Variants in MED13 observed in about 807,000 individuals in gnomAD.
MED13 encodes mediator of RNA polymerase II transcription subunit 13.
In MED13, 23 loss-of-function variants were observed where a neutral mutation model predicts 225.2. The ratio of observed to expected loss-of-function variants is 0.10; its 90% CI spans 0.07 to 0.14. The LOEUF (loss-of-function observed/expected upper bound fraction) is 0.14, where lower values mean the gene tolerates loss of function less well. Ranked by LOEUF, MED13 falls within the 10% of genes least tolerant of loss-of-function variation. MED13 has a pLI of 1.00. For synonymous variants in MED13, 942 were observed against 889.2 expected, an observed-to-expected ratio of 1.06 and a Z score of -1.06; for missense variants, 2,197 against 2,594.5, an observed-to-expected ratio of 0.85 and a Z score of 3.33.
In MED13 at chr17:62,010,720, A is replaced by G. The variant is rs758131013; in HGVS notation, c.1797T>C (p.Tyr599=). The G allele has an allele frequency of 1.2e-5, 19 of 1,609,854 alleles. No homozygotes were observed. The highest frequency in any genetic ancestry group is 2.7e-5 in the African/African-American group (2 of 74,754). The change falls in exon 9 of 30, where the codon TAT becomes TAC. Residue 599 remains tyrosine (Y), a synonymous_variant. Transcript: ENST00000397786. ...QYQEAVEPTV[Y]VGTAVNLEED... is the part of the protein sequence containing the mutation. ...CTTCCAAGTTTACTGCTGTACCAAC[A>G]TATACTGTAGGTTCTACAGCTTCCT... is the stretch of plus-strand genomic sequence containing the variant.
At chr17:62,003,844 T>C (rs1341559256) in intron 9 of MED13, 1 of 152,190 alleles carries the variant, frequency 6.6e-6, no homozygotes, top group African/African-American at 2.4e-5. Flanking sequence ...GCTACTTTTC[T>C]ACACTATGCT....
At chr17:61,953,260 G>A (rs2079912234) in intron 26 of MED13, 147 bp from the exon 27 acceptor site, 1 of 797,484 alleles carries the variant, frequency 1.3e-6, no homozygotes, top group Non-Finnish European at 1.9e-6. Context: ...GCCAAGTATT[G>A]TGCTAAAAGC....
chr17:62,012,387 T>C (rs2080519594), intron 8 of MED13, among the ~76,000 whole-genome samples: 1 of 145,360 alleles, frequency 6.9e-6, no homozygotes. Flanking sequence ...TGGAGTGCAA[T>C]GGCATGATCT....
intron 11 of MED13, among the ~76,000 whole-genome samples, chr17:61,991,541 G>A (rs899864288): frequency 6.6e-6 from 1 of 151,588 alleles, no homozygotes; most frequent in Non-Finnish European, 1.5e-5. Context: ...ACAGAGTCTC[G>A]CTCTGTCGCC....
chr17:62,043,077 G>A (rs929964656), intron 3 of MED13, among the ~76,000 whole-genome samples: 2 of 141,168 alleles, frequency 1.4e-5, no homozygotes, highest in South Asian at 4.5e-4. Flanking sequence ...AATTGTTTGC[G>A]CCCAGGAGGC....
At chr17:61,958,615 G>C (rs2079970396) in intron 23 of MED13, among the ~76,000 whole-genome samples, 1 of 152,168 alleles carries the variant, frequency 6.6e-6, no homozygotes, top group African/African-American at 2.4e-5. Context: ...GGGATTACAG[G>C]CGTGAGCCAC....
At chr17:62,026,934 G>A (rs1305655309) in intron 8 of MED13, among the ~76,000 whole-genome samples, 1 of 152,094 alleles carries the variant, frequency 6.6e-6, no homozygotes, top group African/African-American at 2.4e-5. Flanking sequence ...AAAGAAATCA[G>A]AGATGATGCA....
In MED13 at chr17:61,955,003, A is replaced by G. The variant is rs139818801; in HGVS notation, c.5968+379T>C. Among the ~76,000 whole-genome samples, 706 of 152,300 alleles carry G rather than the reference A, an allele frequency of 4.6e-3. 6 individuals carry two copies. The highest frequency in any genetic ancestry group is 6.0e-3 in the Non-Finnish European group (405 of 68,014). On this transcript the variant is annotated intron_variant, in intron 26 of 29. Coordinates refer to ENST00000397786, the MANE Select transcript of MED13 (RefSeq NM_005121.3). ...CAATCAGGATGTTGGCAAGGCTGAA[A>G]GGGATAATCTGTTTCCTTGTCTTTT...
chr17:61,966,221 C>T (rs1440121436), intron 19 of MED13, among the ~76,000 whole-genome samples: 1 of 152,168 alleles, frequency 6.6e-6, no homozygotes, highest in African/African-American at 2.4e-5. Flanking sequence ...CTGATGGGAT[C>T]CCTCATTAGG....
chr17:61,983,654 A>G (rs1603396993), intron 15 of MED13, among the ~76,000 whole-genome samples: 3 of 152,322 alleles, frequency 2.0e-5, no homozygotes, highest in Admixed American at 6.5e-5. Context: ...TTGCAGCCCA[A>G]AAGAAAAGGT....
At chr17:61,988,822 T>C (rs959639551) in intron 11 of MED13, among the ~76,000 whole-genome samples, 4 of 152,072 alleles carry the variant, frequency 2.6e-5, no homozygotes, top group Non-Finnish European at 2.9e-5. Context: ...CTTTTTTTTA[T>C]GTTGGGAACA....
chr17:61,950,408 G>C (rs2079886821), intron 28 of MED13, among the ~76,000 whole-genome samples: 2 of 150,136 alleles, frequency 1.3e-5, no homozygotes, highest in South Asian at 4.2e-4. Context: ...TTGAGACAGA[G>C]TCTCAGATAT....
intron 3 of MED13, 105 bp from the exon 4 acceptor site, chr17:62,035,713 C>A: frequency 8.9e-7 from 1 of 1,117,894 alleles, no homozygotes; most frequent in South Asian, 1.8e-5. Context: ...CCTATTTTGC[C>A]CAAAAATTCT....
At chr17:61,953,737 T>A (rs919116670) in intron 26 of MED13, among the ~76,000 whole-genome samples, 1 of 152,238 alleles carries the variant, frequency 6.6e-6, no homozygotes, top group Non-Finnish European at 1.5e-5. Flanking sequence ...CCACTAAATG[T>A]GTAGTACTTT....
chr17:62,007,388 G>A (rs1351363248), intron 9 of MED13: 1 of 152,192 alleles, frequency 6.6e-6, no homozygotes, highest in Non-Finnish European at 1.5e-5. Context: ...AGTTGAGAAT[G>A]TTTTTAAAAC....
Position 62,010,944 on chromosome 17 carries a change from T to G in MED13, c.1573A>C (p.Thr525Pro). ...DVAKTPQMHG[T>P]EMANSPQPPP... is the part of the protein sequence containing the mutation. ...GGTTGAGGTGAATTTGCCATTTCGGTGCCATGCATCTGAGGAGTCTTTGCT... is the reference window on the plus strand; with the variant it reads ...GGTTGAGGTGAATTTGCCATTTCGGGGCCATGCATCTGAGGAGTCTTTGCT... Residue 525 changes from threonine (T) to proline (P), a missense_variant, in exon 9 of 30, where the codon ACC becomes CCC. Thr to Pro is a conservative substitution (Grantham distance 38). Coordinates refer to ENST00000397786, the MANE Select transcript of MED13 (RefSeq NM_005121.3). The G allele has an allele frequency of 5.0e-6, 8 of 1,612,654 alleles. No individual in the cohort carries two copies. Among genetic ancestry groups the G allele is most frequent in the Non-Finnish European group, 6.8e-6 (8 of 1,178,726 alleles).
chr17:62,021,443 C>G (rs527724193), intron 8 of MED13, among the ~76,000 whole-genome samples: 2 of 140,612 alleles, frequency 1.4e-5, no homozygotes, highest in African/African-American at 5.3e-5. Flanking sequence ...CCCTCCCGGA[C>G]GGGGCGGCTG....
At chr17:62,049,653 T>C (rs1323835500) in intron 3 of MED13, among the ~76,000 whole-genome samples, 1 of 152,152 alleles carries the variant, frequency 6.6e-6, no homozygotes. Context: ...ATGTGAAGGC[T>C]GGGCGCCGTG....
In MED13 at chr17:61,946,303, CAGG is replaced by C; in HGVS notation, c.*162_*164del. ...GTTCAATAGAGTCAATGAAAAATAG[CAGG>C]GTTATAGCCCCTCCCCCCAAGTCAA... On this transcript the variant is annotated 3_prime_UTR_variant, in exon 30 of 30. Coordinates refer to ENST00000397786, the MANE Select transcript of MED13 (RefSeq NM_005121.3). 1.4e-6 allele frequency: 1 copy of C among 708,942 alleles called. No homozygotes were observed. Among genetic ancestry groups the C allele is most frequent in the Non-Finnish European group, 2.2e-6 (1 of 447,986 alleles). The allele number at this position is 708,942 out of a possible 1,614,324, so 43.9% of individuals were successfully genotyped here.
Sources: allele counts gnomAD v4.1 joint callset (sites outside exome capture counted in the v4.1 genomes callset), GRCh38; gene constraint gnomAD v4.1.1; transcripts MANE v1.5; gene names NCBI Gene and HGNC (gene_info 2026-07-23, HGNC 2026-07-21).